Variants in STK3 observed in about 807,000 individuals in gnomAD.
The protein encoded by STK3 is serine/threonine-protein kinase 3.
A neutral mutation model predicts 58.0 loss-of-function variants in STK3; 41 were observed. That is an observed-to-expected ratio of 0.71 (90% CI 0.55 to 0.92). STK3 has a LOEUF of 0.92. STK3 is among the 40% of genes least tolerant of loss of function. The pLI, the probability that STK3 is intolerant of heterozygous loss-of-function variation, is 0.00. For missense variants in STK3, 479 were observed against 602.7 expected (o/e 0.79, Z 2.15); for synonymous variants, 170 against 191.0 (o/e 0.89, Z 0.91).
At chr8:98,756,749 G>C (rs1830309293) in intron 3 of STK3, among the ~76,000 whole-genome samples, 1 of 152,166 alleles carries the variant, frequency 6.6e-6, no homozygotes, top group South Asian at 2.1e-4. Context: ...CTAATTCCTA[G>C]AGACAGCAAA....
At chr8:98,795,640 A>C (rs1042110161) in intron 1 of STK3, among the ~76,000 whole-genome samples, 1 of 152,288 alleles carries the variant, frequency 6.6e-6, no homozygotes, top group Admixed American at 6.5e-5. Context: ...TACCTAGAAA[A>C]CCTGAAAGGC....
chr8:98,832,310 A>G (rs1835565180), intron 3 of STK3, among the ~76,000 whole-genome samples: 1 of 151,290 alleles, frequency 6.6e-6, no homozygotes, highest in Non-Finnish European at 1.5e-5. Context: ...AGACACTCAC[A>G]TGCACAATAA....
chr8:98,451,175 T>A (rs1351240702), downstream of STK3, among the ~76,000 whole-genome samples: 2 of 152,178 alleles, frequency 1.3e-5, no homozygotes, highest in East Asian at 1.9e-4. Context: ...ACAGCCTGTA[T>A]GATTAATGAC....
At chr8:98,745,705 A>G (rs953588772) in intron 4 of STK3, among the ~76,000 whole-genome samples, 2 of 152,172 alleles carry the variant, frequency 1.3e-5, no homozygotes, top group Admixed American at 1.3e-4. Context: ...TGAGAAGGTC[A>G]AAGACTGGAA....
rs140005939 is a variant in STK3, at chr8:98,840,922, CT to C, written c.110+42724del. Among the ~76,000 whole-genome samples the C allele has an allele frequency of 2.0e-5, 3 of 152,266 alleles. No individual in the cohort carries two copies. The East Asian group carries it at 5.8e-4, about 29-fold the overall frequency. On this transcript the variant is annotated intron_variant, in intron 3 of 12. Transcript: ENST00000523601. ...CAAGATTTAACTGGGACAGGATCCA[CT>C]TCCAAGCTCATTCAGGTGTTTTTGG... is the stretch of plus-strand genomic sequence containing the variant.
chr8:98,756,512 T>A (rs1025519764), intron 3 of STK3, among the ~76,000 whole-genome samples: 1 of 151,534 alleles, frequency 6.6e-6, no homozygotes, highest in African/African-American at 2.4e-5. Flanking sequence ...GAAAAAAAAA[T>A]CAGTGAAGAA....
chr8:98,905,190 T>A, intron 1 of STK3: 1 of 1,044,790 alleles, frequency 9.6e-7, no homozygotes, highest in Admixed American at 1.7e-5. Context: ...GCCACACTGG[T>A]CTCCCATTCC....
chr8:98,568,823 C>T (rs1318852905), intron 8 of STK3, among the ~76,000 whole-genome samples: 1 of 151,810 alleles, frequency 6.6e-6, no homozygotes, highest in African/African-American at 2.4e-5. Context: ...AAAGACTAAC[C>T]TAAAAGGTTC....
chr8:98,533,946 A>G (rs1039364901), intron 9 of STK3, among the ~76,000 whole-genome samples: 1 of 152,214 alleles, frequency 6.6e-6, no homozygotes, highest in Non-Finnish European at 1.5e-5. Context: ...CCTATGAACA[A>G]CAGCAGGAGC....
chr8:98,456,554 A>G (rs1198057478), intron 10 of STK3, among the ~76,000 whole-genome samples: 1 of 152,236 alleles, frequency 6.6e-6, no homozygotes, highest in African/African-American at 2.4e-5. Context: ...CCCCAAAAGC[A>G]GGAAGCCATG....
intron 3 of STK3, among the ~76,000 whole-genome samples, chr8:98,845,857 A>G (rs1467438595): frequency 6.6e-6 from 1 of 152,224 alleles, no homozygotes; most frequent in African/African-American, 2.4e-5. Context: ...TCCTGGAGCT[A>G]CATTGAAATC....
chr8:98,389,708 C>A (rs1220150421), upstream of STK3, among the ~76,000 whole-genome samples: 1 of 150,538 alleles, frequency 6.6e-6, no homozygotes, highest in Non-Finnish European at 1.5e-5. Flanking sequence ...AGTTCCAATT[C>A]AAGAGTCCTA....
chr8:98,827,601 T>G (rs966562339), upstream of STK3, among the ~76,000 whole-genome samples: 1 of 152,216 alleles, frequency 6.6e-6, no homozygotes, highest in Non-Finnish European at 1.5e-5. Flanking sequence ...TAAATTTAGT[T>G]ATTTTAAGAC....
At position 98,682,416 on chromosome 8, in the gene STK3, G is replaced by A. The variant is rs536230135; in HGVS notation, c.684+24051C>T. On this transcript the variant is annotated intron_variant, in intron 6 of 10. Transcript: ENST00000419617. ...ATTCATTTGATTACAGAATGTAAGAGATTCACGAGCATTCCAATTAAAATG... is the reference window on the plus strand; with the variant it reads ...ATTCATTTGATTACAGAATGTAAGAAATTCACGAGCATTCCAATTAAAATG... 2.1e-4 allele frequency among the ~76,000 whole-genome samples: 32 copies of A among 152,284 alleles called. 1 individual carries two copies. In the South Asian group the frequency reaches 2.5e-3, roughly 12 times the overall value.
intron 3 of STK3, among the ~76,000 whole-genome samples, chr8:98,406,210 A>C (rs188564077): frequency 1.5e-3 from 227 of 152,102 alleles, no homozygotes; most frequent in Admixed American, 4.1e-3. Flanking sequence ...AGGCTTACTT[A>C]TCTTCCCCCC....
At chr8:98,554,832 T>C (rs1166386474) in intron 8 of STK3, among the ~76,000 whole-genome samples, 6 of 152,298 alleles carry the variant, frequency 3.9e-5, no homozygotes, top group African/African-American at 1.4e-4. Context: ...TATTTTAGAT[T>C]AGTATTATAA....
intron 2 of STK3, among the ~76,000 whole-genome samples, chr8:98,372,411 C>G (rs1377789896): frequency 6.6e-6 from 1 of 152,218 alleles, no homozygotes; most frequent in East Asian, 1.9e-4. Context: ...CAGGACGCCA[C>G]AGCTCCCCGG....
At chr8:98,859,933 A>G (rs1028809135) in intron 3 of STK3, among the ~76,000 whole-genome samples, 1 of 152,212 alleles carries the variant, frequency 6.6e-6, no homozygotes, top group African/African-American at 2.4e-5. Flanking sequence ...CTCCAAGCCT[A>G]CTCAGAGAAA....
intron 3 of STK3, among the ~76,000 whole-genome samples, chr8:98,830,709 G>A (rs13272836): frequency 0.071 from 10,829 of 152,090 alleles, 581 homozygotes; most frequent in African/African-American, 0.15. Context: ...GGTGGCTCAC[G>A]CCTGTAATCC....
Sources: gnomAD v4.1 joint callset for allele counts (sites outside exome capture counted in the v4.1 genomes callset) on GRCh38, gnomAD v4.1.1 for gene constraint, MANE v1.5 for transcripts, NCBI Gene and HGNC (gene_info 2026-07-23, HGNC 2026-07-21) for gene names.